The following PLA2G4A variants were observed in gnomAD, a reference collection of about 807,000 sequenced individuals.
PLA2G4A encodes phospholipase A2 group IVA.
Under a neutral mutation model 81.9 loss-of-function variants are expected in PLA2G4A, and 40 were observed. The ratio of observed to expected loss-of-function variants is 0.49; its 90% confidence interval spans 0.38 to 0.64. PLA2G4A has a LOEUF of 0.64. Ranked by LOEUF, PLA2G4A falls within the 30% of genes least tolerant of loss-of-function variation. The pLI is 0.00. For missense variants in PLA2G4A, 715 were observed against 905.1 expected (o/e 0.79, Z 2.69); for synonymous variants, 302 against 296.9 (o/e 1.02, Z -0.18).
intron 17 of PLA2G4A, among the ~76,000 whole-genome samples, chr1:186,986,310 CT>C (rs1281477659): frequency 2.6e-5 from 4 of 151,974 alleles, no homozygotes; most frequent in Admixed American, 6.6e-5. Context: ...TTTGTATGGT[CT>C]TTTTTATTTT....
At chr1:186,883,269 A>C (rs920231613) in intron 3 of PLA2G4A, among the ~76,000 whole-genome samples, 10 of 152,130 alleles carry the variant, frequency 6.6e-5, no homozygotes, top group African/African-American at 2.2e-4. Flanking sequence ...CTATTTCAAA[A>C]TATATTACTT....
intron 1 of PLA2G4A, among the ~76,000 whole-genome samples, chr1:186,840,387 A>G (rs994443460): frequency 1.3e-5 from 2 of 152,104 alleles, no homozygotes; most frequent in Non-Finnish European, 2.9e-5. Context: ...CTAAAATAAG[A>G]TTTCTAAAAC....
chr1:186,979,851 A>C lies in PLA2G4A; in HGVS notation c.2118+379A>C, dbSNP rs187074695. On this transcript the variant is annotated intron_variant, in intron 17 of 17. Coordinates refer to ENST00000367466, the MANE Select transcript of PLA2G4A (RefSeq NM_024420.3). The stretch of plus-strand genomic sequence containing the variant: ...CCAGAAGTGTAGTTAATCTGCAAAA[A>C]TATAACATGAATTTTAATAAATACA... Among the ~76,000 whole-genome samples the C allele has an allele frequency of 1.8e-3, 269 of 152,212 alleles. 1 individual carries two copies. The highest frequency in any genetic ancestry group is 5.6e-3 in the African/African-American group (233 of 41,538).
intron 5 of PLA2G4A, among the ~76,000 whole-genome samples, chr1:186,900,250 C>T (rs557194039): frequency 4.6e-5 from 7 of 152,110 alleles, no homozygotes; most frequent in South Asian, 2.1e-4. Context: ...CTGCCTTTGC[C>T]GTGCATCCTC....
intron 3 of PLA2G4A, among the ~76,000 whole-genome samples, chr1:186,886,459 A>G (rs1177888569): frequency 6.6e-6 from 1 of 152,156 alleles, no homozygotes; most frequent in East Asian, 1.9e-4. Context: ...GACAATCGTA[A>G]AAGCTGCTCT....
At chr1:186,845,186 G>T (rs1652128640) in intron 1 of PLA2G4A, among the ~76,000 whole-genome samples, 1 of 152,082 alleles carries the variant, frequency 6.6e-6, no homozygotes, top group Non-Finnish European at 1.5e-5. Context: ...CATCCTGGGT[G>T]ACAGAGTGAG....
chr1:186,884,498 A>C (rs1208766302), intron 3 of PLA2G4A, among the ~76,000 whole-genome samples: 1 of 152,178 alleles, frequency 6.6e-6, no homozygotes, highest in African/African-American at 2.4e-5. Context: ...CTTAGGAAAC[A>C]CATATTAAAT....
chr1:186,973,551 T>C (rs1472310004), intron 15 of PLA2G4A, among the ~76,000 whole-genome samples: 2 of 152,192 alleles, frequency 1.3e-5, no homozygotes, highest in African/African-American at 2.4e-5. Context: ...TACACTCATA[T>C]TGGTCACTCA....
At chr1:186,942,386 A>G (rs574040734) in intron 10 of PLA2G4A, among the ~76,000 whole-genome samples, 9 of 152,302 alleles carry the variant, frequency 5.9e-5, no homozygotes, top group East Asian at 1.9e-4. Flanking sequence ...AAAGAACACT[A>G]CATTCTAATT....
intron 1 of PLA2G4A, among the ~76,000 whole-genome samples, chr1:186,831,868 T>C (rs1471078518): frequency 6.6e-6 from 1 of 152,150 alleles, no homozygotes; most frequent in Admixed American, 6.5e-5. Context: ...TATACATACA[T>C]GTAGTTTTAC....
intron 7 of PLA2G4A, among the ~76,000 whole-genome samples, chr1:186,926,574 C>T (rs1655554242): frequency 6.6e-6 from 1 of 152,166 alleles, no homozygotes. Flanking sequence ...CAGTGCTGGC[C>T]AGTTGGCCTC....
intron 7 of PLA2G4A, among the ~76,000 whole-genome samples, chr1:186,917,171 T>C (rs539008509): frequency 1.2e-4 from 19 of 152,198 alleles, no homozygotes; most frequent in African/African-American, 4.3e-4. Flanking sequence ...TACATTCCAG[T>C]CCTTGATTCA....
chr1:186,988,040 G>A (rs1387266897), intron 17 of PLA2G4A, among the ~76,000 whole-genome samples: 1 of 152,102 alleles, frequency 6.6e-6, no homozygotes, highest in Non-Finnish European at 1.5e-5. Flanking sequence ...GTAATTACTT[G>A]TTTCTTCCCT....
chr1:186,877,654 A>G (rs891947241), intron 3 of PLA2G4A, among the ~76,000 whole-genome samples: 1 of 134,294 alleles, frequency 7.4e-6, no homozygotes, highest in Non-Finnish European at 1.5e-5. Flanking sequence ...AACACTTGTC[A>G]CATGGGAGTA....
chr1:186,941,881 A>G (rs943069264), intron 10 of PLA2G4A, among the ~76,000 whole-genome samples: 2 of 152,204 alleles, frequency 1.3e-5, no homozygotes, highest in African/African-American at 4.8e-5. Context: ...CGTTAGACCC[A>G]GTTTTCTCAT....
intron 3 of PLA2G4A, among the ~76,000 whole-genome samples, chr1:186,881,371 T>C (rs1297241030): frequency 1.3e-5 from 2 of 152,046 alleles, no homozygotes; most frequent in African/African-American, 4.8e-5. Context: ...AATGCTCAAG[T>C]TGTTGTAAAA....
At chr1:186,843,209 G>T (rs1379447545) in intron 1 of PLA2G4A, among the ~76,000 whole-genome samples, 1 of 152,138 alleles carries the variant, frequency 6.6e-6, no homozygotes, top group African/African-American at 2.4e-5. Context: ...AAATGAGATG[G>T]TATATATAAA....
chr1:186,890,829 G>A (rs1451344033), intron 3 of PLA2G4A, among the ~76,000 whole-genome samples: 1 of 145,316 alleles, frequency 6.9e-6, no homozygotes, highest in East Asian at 2.0e-4. Flanking sequence ...CTCCAGCCTG[G>A]CAACAGAGCA....
At position 186,911,250 on chromosome 1, in the gene PLA2G4A, C is replaced by T. The variant is rs960702017; in HGVS notation, c.419C>T (p.Ser140Leu). Residue 140 changes from serine (S) to leucine (L), a missense_variant and splice_region_variant, in exon 7 of 18, where the codon TCA (serine) becomes TTA (leucine). By Grantham distance (145) the Ser-to-Leu change is moderately radical (BLOSUM62 -2). Transcript: ENST00000367466. Reference protein sequence around the residue: ...MVLEMSLEVCSCPDLRFSMAL... With the variant: ...MVLEMSLEVCLCPDLRFSMAL... ...ACTTTATCTGTTTGGTATTACAGCT[C>T]ATGCCCAGACCTACGATTTAGTATG... is the stretch of plus-strand genomic sequence containing the variant. 2.5e-6 allele frequency: 4 copies of T among 1,613,016 alleles called. No individual in the cohort carries two copies. Among genetic ancestry groups the T allele is most frequent in the Non-Finnish European group, 3.4e-6 (4 of 1,179,146 alleles).
Sources: allele counts gnomAD v4.1 joint callset (sites outside exome capture counted in the v4.1 genomes callset), GRCh38; gene constraint gnomAD v4.1.1; transcripts MANE v1.5; gene names NCBI Gene and HGNC (gene_info 2026-07-23, HGNC 2026-07-21).